Variants in CEP128 observed in about 807,000 individuals in gnomAD.
The protein encoded by CEP128 is centrosomal protein 128, also known as centrosomal protein 128kDa.
Under a neutral mutation model 156.7 loss-of-function variants are expected in CEP128, and 132 were observed. The observed-to-expected ratio is 0.84, with a 90% CI of 0.73 to 0.97. The LOEUF is 0.97. Ranked by LOEUF, CEP128 falls within the 50% of genes least tolerant of loss-of-function variation. The pLI, the probability that CEP128 is intolerant of heterozygous loss-of-function variation, is 0.00. For synonymous variants in CEP128, 469 were observed against 448.9 expected (o/e 1.04, Z -0.57); for missense variants, 1,252 against 1,281.9 (o/e 0.98, Z 0.36).
At chr14:80,863,258 G>A (rs1458144734) in intron 8 of CEP128, among the ~76,000 whole-genome samples, 3 of 152,046 alleles carry the variant, frequency 2.0e-5, no homozygotes, top group South Asian at 4.1e-4. Context: ...TAAATTGTTC[G>A]ACCTAATTAG....
intron 19 of CEP128, among the ~76,000 whole-genome samples, chr14:80,643,098 A>G (rs1894491116): frequency 6.6e-6 from 1 of 152,310 alleles, no homozygotes; most frequent in South Asian, 2.1e-4. Flanking sequence ...ATCTAAATCT[A>G]AACTTGTTAT....
At chr14:80,710,811 C>T (rs142501337) in intron 19 of CEP128, among the ~76,000 whole-genome samples, 108 of 152,184 alleles carry the variant, frequency 7.1e-4, no homozygotes, top group African/African-American at 2.5e-3. Context: ...ACTGACAATG[C>T]ACAAACTCCA....
At chr14:80,587,669 T>C (rs1293122462) in intron 19 of CEP128, among the ~76,000 whole-genome samples, 1 of 152,140 alleles carries the variant, frequency 6.6e-6, no homozygotes, top group Non-Finnish European at 1.5e-5. Context: ...AAGTTTTCTG[T>C]CATTTCTATT....
At chr14:80,916,086 C>A (rs545109037) in intron 3 of CEP128, among the ~76,000 whole-genome samples, 2 of 152,288 alleles carry the variant, frequency 1.3e-5, no homozygotes, top group South Asian at 4.1e-4. Flanking sequence ...CCCTTCCCTG[C>A]TGGCTTTGAA....
chr14:80,824,809 T>C (rs947080342), intron 13 of CEP128, among the ~76,000 whole-genome samples: 1 of 152,220 alleles, frequency 6.6e-6, no homozygotes, highest in Non-Finnish European at 1.5e-5. Context: ...AACCCCTGCC[T>C]GTTACCCAGT....
At chr14:80,505,173 T>A (rs920513756) in intron 23 of CEP128, among the ~76,000 whole-genome samples, 153 bp from the exon 24 acceptor site, 1 of 152,238 alleles carries the variant, frequency 6.6e-6, no homozygotes, top group African/African-American at 2.4e-5. Flanking sequence ...AAATAAAATA[T>A]GTGCATGTTA....
intron 13 of CEP128, among the ~76,000 whole-genome samples, chr14:80,802,544 G>C (rs929329104): frequency 1.4e-5 from 2 of 147,348 alleles, no homozygotes; most frequent in Non-Finnish European, 3.0e-5. Context: ...CTGTTGGGGA[G>C]TGGGGGGTGA....
intron 11 of CEP128, among the ~76,000 whole-genome samples, chr14:80,837,121 A>T (rs996603064): frequency 6.6e-6 from 1 of 152,258 alleles, no homozygotes; most frequent in Non-Finnish European, 1.5e-5. Flanking sequence ...AAGGTTTTGT[A>T]AAACAGGTGC....
rs182947669 is a variant in CEP128 at position 80,929,685 on chromosome 14, G to C, written c.-16+9700C>G. ...AGCTATGAGTACACAAAGACATACA[G>C]AGTGGTAGAGTGGACACTGGAGACT... On this transcript the variant is annotated intron_variant, in intron 2 of 24. Transcript: ENST00000555265. Among the ~76,000 whole-genome samples the C allele has an allele frequency of 1.1e-3, 175 of 152,260 alleles. 1 individual carries two copies. The highest frequency in any genetic ancestry group is 4.0e-3 in the African/African-American group (166 of 41,548).
intron 2 of CEP128, among the ~76,000 whole-genome samples, chr14:80,919,730 T>C (rs1884749879): frequency 6.6e-6 from 1 of 152,108 alleles, no homozygotes. Flanking sequence ...AACTAAATTA[T>C]CTCTAATCGT....
chr14:80,740,539 T>G, intron 19 of CEP128, among the ~76,000 whole-genome samples: 1 of 131,022 alleles, frequency 7.6e-6, no homozygotes, highest in Non-Finnish European at 1.7e-5. Flanking sequence ...GATAGATAGA[T>G]AGATAGACAG....
chr14:80,607,375 A>G (rs1306855289), intron 19 of CEP128, among the ~76,000 whole-genome samples: 2 of 152,320 alleles, frequency 1.3e-5, no homozygotes, highest in African/African-American at 4.8e-5. Flanking sequence ...TAAAATTAGT[A>G]AGAATAATTC....
intron 8 of CEP128, among the ~76,000 whole-genome samples, chr14:80,872,159 C>T (rs549237636): frequency 2.0e-4 from 31 of 152,128 alleles, no homozygotes; most frequent in African/African-American, 7.5e-4. Flanking sequence ...ACTTTTTCCT[C>T]CAAAAATAAT....
At chr14:80,877,143 G>A (rs1595534294) in intron 8 of CEP128, among the ~76,000 whole-genome samples, 1 of 151,972 alleles carries the variant, frequency 6.6e-6, no homozygotes. Flanking sequence ...GACATATGTT[G>A]TAATCCCTAG....
chr14:80,500,243 G>A (rs1162657684), intron 24 of CEP128, among the ~76,000 whole-genome samples: 1 of 152,072 alleles, frequency 6.6e-6, no homozygotes, highest in Non-Finnish European at 1.5e-5. Context: ...CTTTAGTTTG[G>A]TCACAGTTTG....
Position 80,801,908 on chromosome 14 carries a change from CCCAA to C in CEP128, c.1210-8802_1210-8799del, listed in dbSNP as rs1883884825. 1.1e-4 allele frequency among the ~76,000 whole-genome samples: 2 copies of C among 18,714 alleles called. 1 individual carries two copies. Among genetic ancestry groups the C allele is most frequent in the African/African-American group, 3.4e-4 (2 of 5,846 alleles). The allele number at this position is 18,714 out of a possible 152,430, so 12.3% of individuals were successfully genotyped here. ...GGGTGACAGTGTGAGACTCTGTCTC[CCCAA>C]AAAAAAAAAAAAAAAAAAAAAAAAA... On this transcript the variant is annotated intron_variant, in intron 13 of 24. Transcript: ENST00000555265.
chr14:80,647,063 A>ATG (rs1566831616), intron 19 of CEP128, among the ~76,000 whole-genome samples: 1 of 67,916 alleles, frequency 1.5e-5, no homozygotes, highest in Non-Finnish European at 3.1e-5. Flanking sequence ...ATATATATAT[A>ATG]TATATATATA....
chr14:80,944,952 C>T (rs993531822), upstream of CEP128, among the ~76,000 whole-genome samples: 1 of 149,480 alleles, frequency 6.7e-6, no homozygotes, highest in Non-Finnish European at 1.5e-5. Flanking sequence ...TGAAAACAAA[C>T]CAGTACAAGT....
At chr14:80,863,371 T>C (rs1158234619) in intron 8 of CEP128, among the ~76,000 whole-genome samples, 1 of 152,244 alleles carries the variant, frequency 6.6e-6, no homozygotes, top group Non-Finnish European at 1.5e-5. Context: ...CTTATCAATC[T>C]TTTCTACTGC....
Sources: gnomAD v4.1 joint callset for allele counts (sites outside exome capture counted in the v4.1 genomes callset) on GRCh38, gnomAD v4.1.1 for gene constraint, MANE v1.5 for transcripts, NCBI Gene and HGNC (gene_info 2026-07-23, HGNC 2026-07-21) for gene names.